CCDC57: variants seen among roughly 807,000 people sequenced by gnomAD.
CCDC57 encodes the protein coiled-coil domain containing 57, also known as coiled-coil domain-containing protein 57.
A neutral mutation model predicts 118.9 loss-of-function variants in CCDC57; 118 were observed. That is an observed-to-expected ratio of 0.99 (90% CI 0.86 to 1.16). CCDC57 has a LOEUF of 1.16. Among genes scored for constraint, CCDC57 ranks in the 50% most tolerant of loss-of-function variants. The probability of loss-of-function intolerance (pLI) is 0.00; values close to 1 mark genes in which losing one functional copy is unlikely to be tolerated. For missense variants in CCDC57, 1,300 were observed against 1,320.7 expected (o/e 0.98, Z 0.24); for synonymous variants, 527 against 532.9 (o/e 0.99, Z 0.15).
At chr17:82,200,212 C>T (rs2048831361) in intron 3 of CCDC57, among the ~76,000 whole-genome samples, 1 of 152,204 alleles carries the variant, frequency 6.6e-6, no homozygotes, top group South Asian at 2.1e-4. Flanking sequence ...TCTGAGCAAA[C>T]CGGCCCAACA....
intron 16 of CCDC57, 77 bp from the exon 16 acceptor site, chr17:82,134,271 A>G (rs989335606): frequency 1.6e-6 from 2 of 1,242,286 alleles, no homozygotes; most frequent in African/African-American, 3.1e-5. Flanking sequence ...GCAAACACTC[A>G]GAAAGAACAG....
At chr17:82,134,303 AGTAACTT>A in intron 16 of CCDC57, 109 bp from the exon 16 acceptor site, 1 of 1,107,396 alleles carries the variant, frequency 9.0e-7, no homozygotes, top group Non-Finnish European at 1.2e-6. Flanking sequence ...TCAAAACCAA[AGTAACTT>A]CCATTACATC....
intron 2 of CCDC57, among the ~76,000 whole-genome samples, chr17:82,206,894 T>G (rs1285807369): frequency 6.6e-6 from 1 of 152,228 alleles, no homozygotes; most frequent in African/African-American, 2.4e-5. Flanking sequence ...AAGCTCTCCT[T>G]GTTCATTCCT....
chr17:82,133,980 TTG>T (rs2038810774), intron 17 of CCDC57, 91 bp downstream of exon 16: 3 of 1,186,816 alleles, frequency 2.5e-6, no homozygotes, highest in Admixed American at 4.2e-5. Context: ...GCTTTTTATA[TTG>T]TGTTTATTGT....
chr17:82,104,570 A>G (rs1311466628), intron 19 of CCDC57, among the ~76,000 whole-genome samples: 10 of 151,918 alleles, frequency 6.6e-5, no homozygotes, highest in Admixed American at 5.9e-4. Context: ...ACGGAGTCTC[A>G]CTCTGTCGCC....
chr17:82,211,651 C>T (rs2050187615), intron 1 of CCDC57, among the ~76,000 whole-genome samples: 1 of 151,648 alleles, frequency 6.6e-6, no homozygotes, highest in Admixed American at 6.6e-5. Context: ...GGTGTGGTAC[C>T]CTACTTTGTT....
At chr17:82,102,420 C>T (rs2034514505) in intron 19 of CCDC57, among the ~76,000 whole-genome samples, 1 of 152,260 alleles carries the variant, frequency 6.6e-6, no homozygotes, top group African/African-American at 2.4e-5. Flanking sequence ...CACACAGAGG[C>T]TGGGGCCTAA....
intron 7 of CCDC57, among the ~76,000 whole-genome samples, chr17:82,191,374 T>A (rs536687607): frequency 4.2e-4 from 64 of 152,166 alleles, no homozygotes; most frequent in Non-Finnish European, 1.2e-4. Context: ...TTTTACCACG[T>A]GGAACTGTCT....
chr17:82,128,922 G>GTT (rs765506600), intron 17 of CCDC57, among the ~76,000 whole-genome samples: 2 of 147,628 alleles, frequency 1.4e-5, no homozygotes, highest in Non-Finnish European at 1.5e-5. Flanking sequence ...CTGCTTTTTT[G>GTT]TTTTTTTTTT....
At chr17:82,106,619 G>C in intron 19 of CCDC57, 1 of 152,516 alleles carries the variant, frequency 6.6e-6, no homozygotes, top group South Asian at 2.1e-4. Flanking sequence ...CTGAGCTGGG[G>C]CGACAGGAAG....
intron 12 of CCDC57, 141 bp from the exon 12 acceptor site, chr17:82,171,994 A>G: frequency 1.2e-6 from 1 of 850,710 alleles, no homozygotes; most frequent in Non-Finnish European, 1.9e-6. Context: ...CTACAGCTTC[A>G]CCGTAGTTTC....
chr17:82,111,256 CA>C (rs59943765), intron 19 of CCDC57, among the ~76,000 whole-genome samples: 150,297 of 150,316 alleles, frequency 1, 75,139 homozygotes, highest in Middle Eastern at 1. Flanking sequence ...CCACCATGCC[CA>C]AGCTAATTTT....
intron 16 of CCDC57, among the ~76,000 whole-genome samples, chr17:82,138,171 CG>C (rs2039500216): frequency 8.4e-6 from 1 of 118,580 alleles, no homozygotes; most frequent in Admixed American, 9.7e-5. Flanking sequence ...TTTTTTGAGA[CG>C]GAGTCTCGCT....
At chr17:82,140,972 T>C (rs1568231322) in intron 16 of CCDC57, among the ~76,000 whole-genome samples, 1 of 151,160 alleles carries the variant, frequency 6.6e-6, no homozygotes, top group African/African-American at 2.4e-5. Context: ...AGCAAGAGGC[T>C]TTTATTTATT....
intron 11 of CCDC57, among the ~76,000 whole-genome samples, chr17:82,178,239 T>C (rs1023176895): frequency 1.3e-5 from 2 of 152,230 alleles, no homozygotes; most frequent in Non-Finnish European, 2.9e-5. Flanking sequence ...GTCTGATATC[T>C]AGTTATATGT....
At chr17:82,174,239 T>G (rs2045166580) in intron 11 of CCDC57, among the ~76,000 whole-genome samples, 2 of 152,232 alleles carry the variant, frequency 1.3e-5, no homozygotes, top group Admixed American at 6.5e-5. Flanking sequence ...CCGTGCTCCC[T>G]GGCAAGGCCA....
chr17:82,148,644 G>A (rs2145759227), intron 16 of CCDC57, among the ~76,000 whole-genome samples: 2 of 90,886 alleles, frequency 2.2e-5, no homozygotes, highest in African/African-American at 4.1e-5. Context: ...GGATGGGTGG[G>A]TGGGTGAATA....
At chr17:82,187,639 C>T (rs867441141) in intron 8 of CCDC57, among the ~76,000 whole-genome samples, 10 of 29,200 alleles carry the variant, frequency 3.4e-4, no homozygotes, top group African/African-American at 1.3e-3. Flanking sequence ...TGACAGGGGT[C>T]GGGGGTCACT....
At chr17:82,153,066 G>A (rs1208429719) in intron 15 of CCDC57, among the ~76,000 whole-genome samples, 1 of 152,238 alleles carries the variant, frequency 6.6e-6, no homozygotes, top group East Asian at 1.9e-4. Context: ...CAGTAAGCGG[G>A]CCTCATGCCT....
Sources: gnomAD v4.1 joint callset for allele counts (sites outside exome capture counted in the v4.1 genomes callset) on GRCh38, gnomAD v4.1.1 for gene constraint, MANE v1.5 for transcripts, NCBI Gene and HGNC (gene_info 2026-07-23, HGNC 2026-07-21) for gene names.